The following CDH3 variants were observed in gnomAD, a reference collection of about 807,000 sequenced individuals.
CDH3 encodes the protein cadherin 3, also known as cadherin-3.
CDH3 carries 54 observed loss-of-function variants against 82.0 expected under a neutral mutation model. The ratio of observed to expected loss-of-function variants is 0.66; its 90% CI spans 0.53 to 0.83. The LOEUF (loss-of-function observed/expected upper bound fraction) is 0.83. Among genes scored for constraint, CDH3 ranks in the 40% least tolerant of loss-of-function variants. The pLI is 0.00. For missense variants in CDH3, 1,054 were observed against 1,084.6 expected, an observed-to-expected ratio of 0.97 and a Z score of 0.40; for synonymous variants, 446 against 437.9, an observed-to-expected ratio of 1.02 and a Z score of -0.23.
At position 68,722,857 on chromosome 16, in the gene CDH3, G is replaced by A. The variant is rs150497257; in HGVS notation, c.*45+241G>A. ...AGGCTGGAGTGGAATGGAATGGCGT[G>A]ATCTCGGCTCACTGCAATCTCTGCC... On this transcript the variant is annotated intron_variant, in intron 2 of 2. Coordinates refer to the CDH3 transcript ENST00000569080. Among the ~76,000 whole-genome samples the A allele has an allele frequency of 8.0e-3, 1,214 of 152,010 alleles. 12 individuals are homozygous for A. Among genetic ancestry groups the A allele is most frequent in the Middle Eastern group, 0.02 (6 of 294 alleles).
At chr16:68,700,952 G>A (rs3118227), downstream of CDH3, among the ~76,000 whole-genome samples, 38,540 of 152,016 alleles carry the variant, frequency 0.25, 4,976 homozygotes, top group Admixed American at 0.29. Flanking sequence ...CACTGAGCTG[G>A]GGCCTCAGAT....
intron 9 of CDH3, 85 bp downstream of exon 9, chr16:68,682,572 T>C (rs751808819): frequency 1.4e-5 from 18 of 1,323,602 alleles, no homozygotes; most frequent in Non-Finnish European, 1.8e-5. Context: ...CTGTCTACCG[T>C]GGGCTAGTCC....
intron 9 of CDH3, among the ~76,000 whole-genome samples, chr16:68,683,240 A>C (rs746458825): frequency 2.0e-5 from 3 of 152,242 alleles, no homozygotes; most frequent in Non-Finnish European, 2.9e-5. Context: ...TGTTTTCTGC[A>C]ACAAATACTT....
intron 8 of CDH3, 46 bp from the exon 9 acceptor site, chr16:68,682,256 A>G: frequency 1.9e-6 from 3 of 1,591,342 alleles, no homozygotes; most frequent in South Asian, 2.3e-5. Flanking sequence ...CTGGAGTAGG[A>G]CAGTCATTCT....
intron 13 of CDH3, 52 bp downstream of exon 13, chr16:68,691,978 G>A (rs1961594230): frequency 1.4e-6 from 2 of 1,453,056 alleles, no homozygotes; most frequent in Non-Finnish European, 1.9e-6. Context: ...TTGAAAGACT[G>A]GATTCTACCT....
chr16:68,674,681 G>A (rs1275729016), intron 2 of CDH3, among the ~76,000 whole-genome samples: 1 of 152,138 alleles, frequency 6.6e-6, no homozygotes, highest in African/African-American at 2.4e-5. Context: ...GCTGTAGTGA[G>A]TTATGATTGC....
chr16:68,687,378 T>C, intron 11 of CDH3, 134 bp from the exon 12 acceptor site: 1 of 688,572 alleles, frequency 1.5e-6, no homozygotes, highest in Non-Finnish European at 2.6e-6. Flanking sequence ...TCAACTGGCA[T>C]GTATGTGCCA....
rs199844570 is a variant in CDH3, at chr16:68,698,299, T to A, written c.2389T>A (p.Ser797Thr). The change falls in exon 16 of 16, where the codon TCC becomes ACC. Residue 797 changes from serine to threonine, a missense_variant. Ser to Thr is a moderately conservative substitution (Grantham distance 58). Transcript: ENST00000264012. ...CGCCGCGTCCCTGAGCTCCCTCACC[T>A]CCTCCGCCTCCGACCAAGACCAAGA... ...SDAASLSSLTSSASDQDQDYD... is the reference protein window; with the variant it reads ...SDAASLSSLTTSASDQDQDYD... 12 of 1,614,146 alleles carry A rather than the reference T, an allele frequency of 7.4e-6. No homozygotes were observed. The East Asian group carries it at 2.5e-4, about 33-fold the overall frequency.
intron 2 of CDH3, among the ~76,000 whole-genome samples, chr16:68,669,453 T>G (rs544610236): frequency 2.0e-5 from 3 of 152,192 alleles, no homozygotes; most frequent in African/African-American, 4.8e-5. Context: ...CACTGTCCCT[T>G]CTACAAATAG....
intron 2 of CDH3, among the ~76,000 whole-genome samples, chr16:68,725,982 GA>G (rs1478209279): frequency 1.3e-5 from 2 of 152,118 alleles, no homozygotes; most frequent in African/African-American, 4.8e-5. Flanking sequence ...TTGAGCCCAG[GA>G]GGCAGACGGA....
At chr16:68,726,871 GCC>G (rs1053032924) in intron 2 of CDH3, among the ~76,000 whole-genome samples, 1 of 152,114 alleles carries the variant, frequency 6.6e-6, no homozygotes, top group African/African-American at 2.4e-5. Flanking sequence ...GAGCCACCGC[GCC>G]CGCCCCAGCT....
chr16:68,700,377 C>G (rs1961872961), downstream of CDH3: 1 of 152,262 alleles, frequency 6.6e-6, no homozygotes, highest in Non-Finnish European at 1.5e-5. Flanking sequence ...ATCGGAACCT[C>G]TAGGCAGGGC....
At chr16:68,666,995 A>G (rs1427573001) in intron 2 of CDH3, among the ~76,000 whole-genome samples, 2 of 152,198 alleles carry the variant, frequency 1.3e-5, no homozygotes, top group Non-Finnish European at 1.5e-5. Context: ...TCCTGGGTCA[A>G]TGGGCTTGTT....
chr16:68,733,086 A>C, the CDH3 span, among the ~76,000 whole-genome samples: 1 of 152,136 alleles, frequency 6.6e-6, no homozygotes, highest in Non-Finnish European at 1.5e-5. Flanking sequence ...GAACCTTATG[A>C]ATTAAGTGCT....
At chr16:68,686,337 C>A in intron 11 of CDH3, 1 of 941,236 alleles carries the variant, frequency 1.1e-6, no homozygotes, top group Non-Finnish European at 1.7e-6. Flanking sequence ...CTCCTTGCGG[C>A]GCTACACAAG....
intron 2 of CDH3, among the ~76,000 whole-genome samples, chr16:68,726,016 A>C (rs1037163586): frequency 6.6e-6 from 1 of 152,054 alleles, no homozygotes; most frequent in South Asian, 2.1e-4. Context: ...CTGAGATTGC[A>C]CTACTGCACT....
At chr16:68,686,604 A>G (rs926683056) in intron 11 of CDH3, 9 of 1,196,218 alleles carry the variant, frequency 7.5e-6, no homozygotes, top group African/African-American at 2.9e-5. Flanking sequence ...CTTCCAGAAT[A>G]TGGAGGCACC....
At chr16:68,652,872 T>G (rs1255224125) in intron 2 of CDH3, among the ~76,000 whole-genome samples, 3 of 152,252 alleles carry the variant, frequency 2.0e-5, no homozygotes, top group African/African-American at 7.2e-5. Flanking sequence ...TAATTCTGGA[T>G]GTAGTTCTAG....
downstream of CDH3, among the ~76,000 whole-genome samples, chr16:68,704,769 T>G (rs771271997): frequency 1.3e-5 from 2 of 152,074 alleles, no homozygotes; most frequent in Non-Finnish European, 2.9e-5. Flanking sequence ...TTAAAGGAAA[T>G]TGCAGCCAGG....
Sources: allele counts gnomAD v4.1 joint callset (sites outside exome capture counted in the v4.1 genomes callset), GRCh38; gene constraint gnomAD v4.1.1; transcripts MANE v1.5; gene names NCBI Gene and HGNC (gene_info 2026-07-23, HGNC 2026-07-21).